Variants in OR9Q1 observed in about 807,000 individuals in gnomAD.
OR9Q1 encodes the protein olfactory receptor 9Q1.
For synonymous variants in OR9Q1, 153 were observed against 148.6 expected (o/e 1.03, Z -0.22); for missense variants, 374 against 378.8 (o/e 0.99, Z 0.11).
chr11:58,120,640 C>G (rs1257511266), intron 2 of OR9Q1, among the ~76,000 whole-genome samples: 1 of 137,868 alleles, frequency 7.3e-6, no homozygotes, highest in Non-Finnish European at 1.6e-5. Flanking sequence ...CAGTACCCAG[C>G]ACATAAAGCT....
At chr11:58,116,113 A>G (rs1218323759) in intron 2 of OR9Q1, among the ~76,000 whole-genome samples, 1 of 152,214 alleles carries the variant, frequency 6.6e-6, no homozygotes, top group Non-Finnish European at 1.5e-5. Flanking sequence ...CATAGGGTGG[A>G]TTAAAAATGT....
At chr11:58,168,098 A>G (rs1470133236) in intron 2 of OR9Q1, among the ~76,000 whole-genome samples, 1 of 152,208 alleles carries the variant, frequency 6.6e-6, no homozygotes, top group Non-Finnish European at 1.5e-5. Flanking sequence ...AATAGATTTC[A>G]TTCCAAAAAC....
chr11:58,040,304 C>T (rs1590549804), intron 1 of OR9Q1, among the ~76,000 whole-genome samples: 1 of 113,310 alleles, frequency 8.8e-6, no homozygotes, highest in Admixed American at 9.9e-5. Context: ...ATCACAACAA[C>T]CCGAAGATGA....
In OR9Q1 at chr11:58,053,627, A is replaced by ATAATATATATAT. The variant is rs1491279836; in HGVS notation, c.-92-2243_-92-2242insTAATATATATAT. 6.8e-5 allele frequency among the ~76,000 whole-genome samples: 7 copies of ATAATATATATAT among 103,314 alleles called. No individual in the cohort carries two copies. The East Asian group carries it at 2.2e-3, about 32-fold the overall frequency. The allele number at this position is 103,314 out of a possible 152,430, so 67.8% of individuals were successfully genotyped here. A position where few individuals can be genotyped will look rare whatever the true frequency, so the allele number is the denominator to read the frequency against. ...AAAATTAAAAAATATATATATATAT[A>ATAATATATATAT]AAATATATATATATATAAATTATAT... On this transcript the variant is annotated intron_variant, in intron 1 of 2. Transcript: ENST00000335397.
intron 2 of OR9Q1, among the ~76,000 whole-genome samples, chr11:58,127,790 G>A (rs1482758003): frequency 6.6e-6 from 1 of 152,118 alleles, no homozygotes; most frequent in Admixed American, 6.5e-5. Context: ...AGTGAAAATA[G>A]CCCAGAGAGA....
intron 2 of OR9Q1, among the ~76,000 whole-genome samples, chr11:58,169,785 G>A (rs756584982): frequency 6.6e-6 from 1 of 151,966 alleles, no homozygotes; most frequent in African/African-American, 2.4e-5. Flanking sequence ...GCATCAGGAC[G>A]GGACATTTAG....
At chr11:58,104,909 A>G (rs956663884) in intron 2 of OR9Q1, among the ~76,000 whole-genome samples, 1 of 152,220 alleles carries the variant, frequency 6.6e-6, no homozygotes, top group Non-Finnish European at 1.5e-5. Flanking sequence ...ATTGTGAACA[A>G]TAAATAACAT....
At chr11:58,062,886 C>T (rs1014923844) in intron 2 of OR9Q1, among the ~76,000 whole-genome samples, 8 of 152,130 alleles carry the variant, frequency 5.3e-5, no homozygotes, top group Non-Finnish European at 1.0e-4. Context: ...CTTGAGGCTG[C>T]GTTGTTCTGC....
chr11:58,122,619 C>T (rs538905600), intron 2 of OR9Q1, among the ~76,000 whole-genome samples: 1 of 152,140 alleles, frequency 6.6e-6, no homozygotes, highest in South Asian at 2.1e-4. Context: ...TATTTTGGGG[C>T]CTTAGGTAGA....
intron 2 of OR9Q1, among the ~76,000 whole-genome samples, chr11:58,141,170 A>G (rs573791258): frequency 6.6e-6 from 1 of 152,260 alleles, no homozygotes; most frequent in Non-Finnish European, 1.5e-5. Context: ...GCAAACAGGG[A>G]CAATTTGACT....
At chr11:58,077,598 G>A (rs192036216) in intron 2 of OR9Q1, 2 of 152,268 alleles carry the variant, frequency 1.3e-5, no homozygotes, top group Admixed American at 6.5e-5. Context: ...TTTGCCACTC[G>A]ATGATTTCAT....
intron 2 of OR9Q1, among the ~76,000 whole-genome samples, chr11:58,063,580 G>C (rs561277098): frequency 6.6e-6 from 1 of 152,214 alleles, no homozygotes; most frequent in African/African-American, 2.4e-5. Context: ...TTCTACTAGG[G>C]TGTGACTGAC....
chr11:58,076,647 AATT>A (rs1422882371), intron 2 of OR9Q1, among the ~76,000 whole-genome samples: 1 of 152,074 alleles, frequency 6.6e-6, no homozygotes, highest in Non-Finnish European at 1.5e-5. Flanking sequence ...AATAGTTTTT[AATT>A]ATTATTATTT....
At chr11:58,160,459 G>A (rs1854446797) in intron 2 of OR9Q1, among the ~76,000 whole-genome samples, 1 of 151,914 alleles carries the variant, frequency 6.6e-6, no homozygotes, top group Non-Finnish European at 1.5e-5. Flanking sequence ...TGTTGTTGTT[G>A]TTGTTGTTGT....
chr11:58,062,211 A>G (rs1440917571), intron 2 of OR9Q1, among the ~76,000 whole-genome samples: 1 of 152,240 alleles, frequency 6.6e-6, no homozygotes, highest in East Asian at 1.9e-4. Context: ...AGGATTATCC[A>G]TAAGCCTAGC....
At position 58,137,489 on chromosome 11, in the gene OR9Q1, G is replaced by A. The variant is rs543004391; in HGVS notation, c.-14-41942G>A. On this transcript the variant is annotated intron_variant, in intron 2 of 2. Coordinates refer to ENST00000335397, the MANE Select transcript of OR9Q1 (RefSeq NM_001005212.4). ...GGGCAGTGTTTCCAACTCAGAATTG[G>A]GGTCATTTGCCAAAAAATTTATTTA... is the stretch of plus-strand genomic sequence containing the variant. Among the ~76,000 whole-genome samples the A allele has an allele frequency of 2.0e-5, 3 of 152,250 alleles. No individual in the cohort carries two copies. In the South Asian group the frequency reaches 6.2e-4, roughly 32 times the overall value.
intron 2 of OR9Q1, among the ~76,000 whole-genome samples, chr11:58,140,910 T>A (rs184674520): frequency 6.6e-6 from 1 of 152,364 alleles, no homozygotes; most frequent in East Asian, 1.9e-4. Flanking sequence ...TGATTCTTCT[T>A]ACCCATGAGC....
At chr11:58,077,180 A>T (rs1263665785) in intron 2 of OR9Q1, among the ~76,000 whole-genome samples, 1 of 152,172 alleles carries the variant, frequency 6.6e-6, no homozygotes, top group African/African-American at 2.4e-5. Flanking sequence ...GATAGAGAAT[A>T]GATTAAAAAA....
chr11:58,173,810 G>T (rs1003307782), intron 2 of OR9Q1, among the ~76,000 whole-genome samples: 1 of 152,156 alleles, frequency 6.6e-6, no homozygotes. Flanking sequence ...AGCATTTATT[G>T]TGGTTATTCT....
Sources: gnomAD v4.1 joint callset for allele counts (sites outside exome capture counted in the v4.1 genomes callset) on GRCh38, gnomAD v4.1.1 for gene constraint, MANE v1.5 for transcripts, NCBI Gene and HGNC (gene_info 2026-07-23, HGNC 2026-07-21) for gene names.